Variants in AKAP19 observed in about 807,000 individuals in gnomAD.
AKAP19 encodes A-kinase anchoring protein 19, also known as small A-kinase anchoring protein.
At chr2:190,032,733 C>A in the AKAP19 span, among the ~76,000 whole-genome samples, 1 of 151,688 alleles carries the variant, frequency 6.6e-6, no homozygotes, top group African/African-American at 2.4e-5. Context: ...TTTTTTTACC[C>A]CCTGGCAAAA....
chr2:190,159,664 A>G, the AKAP19 span, among the ~76,000 whole-genome samples: 1 of 152,192 alleles, frequency 6.6e-6, no homozygotes, highest in African/African-American at 2.4e-5. Context: ...TCTAGCCAAC[A>G]TGATGTAAAC....
At chr2:190,014,271 G>T in the AKAP19 span, among the ~76,000 whole-genome samples, 4 of 152,192 alleles carry the variant, frequency 2.6e-5, no homozygotes, top group African/African-American at 9.6e-5. Flanking sequence ...TTGACTCACA[G>T]TTCCACATGG....
the AKAP19 span, among the ~76,000 whole-genome samples, chr2:190,114,444 TTTTG>T: frequency 0.23 from 35,597 of 151,832 alleles, 4,315 homozygotes; most frequent in Middle Eastern, 0.3. Context: ...AAAGAAAGTG[TTTTG>T]TTTGTTTGTT....
At chr2:190,056,633 A>T in the AKAP19 span, 1 of 152,578 alleles carries the variant, frequency 6.6e-6, no homozygotes, top group Non-Finnish European at 1.5e-5. Context: ...TTACTATTTT[A>T]CTGAATGTTT....
the AKAP19 span, among the ~76,000 whole-genome samples, chr2:190,196,061 G>GTT: frequency 2.7e-5 from 4 of 148,028 alleles, no homozygotes; most frequent in Admixed American, 1.4e-4. Flanking sequence ...CCTTTCAATT[G>GTT]TTATTTTTAG....
the AKAP19 span, among the ~76,000 whole-genome samples, chr2:190,078,759 C>A: frequency 6.6e-6 from 1 of 151,938 alleles, no homozygotes; most frequent in Non-Finnish European, 1.5e-5. Flanking sequence ...TTTAAATATG[C>A]CGTTGCATTT....
At chr2:189,952,274 C>T in the AKAP19 span, among the ~76,000 whole-genome samples, 2 of 152,172 alleles carry the variant, frequency 1.3e-5, no homozygotes, top group African/African-American at 4.8e-5. Context: ...CAGGCCCAGC[C>T]ACAGAACCTA....
At chr2:189,898,922 C>T in the AKAP19 span, among the ~76,000 whole-genome samples, 1 of 152,168 alleles carries the variant, frequency 6.6e-6, no homozygotes, top group Non-Finnish European at 1.5e-5. Context: ...ATATATCAAG[C>T]ACTTTATAGT....
At chr2:189,927,599 T>C in the AKAP19 span, among the ~76,000 whole-genome samples, 1 of 152,226 alleles carries the variant, frequency 6.6e-6, no homozygotes, top group Non-Finnish European at 1.5e-5. Flanking sequence ...CATTCTTTCT[T>C]TTCTCTGAAA....
the AKAP19 span, chr2:189,924,181 G>A: frequency 1.3e-6 from 2 of 1,519,764 alleles, no homozygotes; most frequent in Admixed American, 1.7e-5. Flanking sequence ...AGGAGAGGAT[G>A]ACAGAGACAG....
the AKAP19 span, among the ~76,000 whole-genome samples, chr2:190,071,780 G>A: frequency 1.3e-5 from 2 of 152,010 alleles, no homozygotes; most frequent in African/African-American, 4.8e-5. Flanking sequence ...ATGTACACAA[G>A]ATGGAGATGT....
the AKAP19 span, among the ~76,000 whole-genome samples, chr2:189,970,463 CTT>C: frequency 2.4e-4 from 37 of 152,166 alleles, no homozygotes; most frequent in African/African-American, 8.4e-4. Flanking sequence ...AGTTTTTAAA[CTT>C]AAGGTAAATG....
the AKAP19 span, chr2:190,057,066 A>G: frequency 3.4e-6 from 2 of 594,720 alleles, no homozygotes; most frequent in African/African-American, 1.9e-5. Flanking sequence ...ACTTTCTTGT[A>G]TGATTTGTTT....
chr2:189,897,141 A>G, the AKAP19 span, among the ~76,000 whole-genome samples: 1 of 152,168 alleles, frequency 6.6e-6, no homozygotes, highest in Admixed American at 6.5e-5. Flanking sequence ...TAAAGCAACT[A>G]GTGCAAAGCT....
chr2:190,029,939 T>C, the AKAP19 span, among the ~76,000 whole-genome samples: 1 of 152,196 alleles, frequency 6.6e-6, no homozygotes, highest in East Asian at 1.9e-4. Context: ...TGATTTTCAT[T>C]ACTTTATATT....
At chr2:190,179,223 CATG>C in the AKAP19 span, among the ~76,000 whole-genome samples, 1 of 152,144 alleles carries the variant, frequency 6.6e-6, no homozygotes, top group South Asian at 2.1e-4. This position sits in a 1 kb window ranked among gnomAD's most constrained non-coding sequence, Gnocchi z 6.0. Context: ...GCCTGGCAAA[CATG>C]GTGAAACCCT....
chr2:190,138,920 A>G, the AKAP19 span, among the ~76,000 whole-genome samples: 1 of 152,196 alleles, frequency 6.6e-6, no homozygotes, highest in African/African-American at 2.4e-5. Flanking sequence ...TATGAGCCTC[A>G]ATTTCCACAT....
At chr2:189,971,000 A>G in the AKAP19 span, among the ~76,000 whole-genome samples, 2 of 151,872 alleles carry the variant, frequency 1.3e-5, no homozygotes, top group East Asian at 3.9e-4. Flanking sequence ...TTTTATTATT[A>G]TACTTTAAGT....
the AKAP19 span, among the ~76,000 whole-genome samples, chr2:190,184,345 T>G: frequency 6.6e-6 from 1 of 152,210 alleles, no homozygotes; most frequent in African/African-American, 2.4e-5. Context: ...ACTGCAAGTT[T>G]GTAGTCTTTG....
Sources: gnomAD v4.1 joint callset for allele counts (sites outside exome capture counted in the v4.1 genomes callset) on GRCh38, gnomAD v4.1.1 for gene constraint, Gnocchi (gnomAD v3.1) non-coding constraint, MANE v1.5 for transcripts, NCBI Gene and HGNC (gene_info 2026-07-23, HGNC 2026-07-21) for gene names.